Variants in COL6A5 observed in about 807,000 individuals in gnomAD.
COL6A5 encodes the protein collagen type VI alpha 5 chain, also known as collagen alpha-5(VI) chain.
In COL6A5, 48 loss-of-function variants were observed where a neutral mutation model predicts 65.6. The ratio of observed to expected loss-of-function variants is 0.73; its 90% confidence interval spans 0.58 to 0.93. COL6A5 has a LOEUF of 0.93. COL6A5 is among the 40% of genes least tolerant of loss of function. COL6A5 has a pLI of 0.00. For missense variants in COL6A5, 914 were observed against 928.3 expected (o/e 0.98, Z 0.20); for synonymous variants, 291 against 322.8 (o/e 0.90, Z 1.05).
At chr3:130,379,879 A>G in exon 4 of COL6A5, 2 of 1,551,366 alleles carry the variant, frequency 1.3e-6, no homozygotes, top group Non-Finnish European at 8.7e-7. Flanking sequence ...CCAAGGGGCT[A>G]ACAATACCCA....
At chr3:130,456,839 G>T (rs1323775482) in intron 5 of COL6A5, among the ~76,000 whole-genome samples, 1 of 151,630 alleles carries the variant, frequency 6.6e-6, no homozygotes, top group Non-Finnish European at 1.5e-5. Flanking sequence ...TTTTTTTCTT[G>T]GGTTTAACAC....
chr3:130,387,456 A>C (rs1936233050), intron 5 of COL6A5, among the ~76,000 whole-genome samples: 2 of 152,098 alleles, frequency 1.3e-5, no homozygotes, highest in African/African-American at 4.8e-5. Context: ...ATGGAAGAGA[A>C]TCTTTCACAC....
intron 1 of COL6A5, among the ~76,000 whole-genome samples, chr3:130,362,326 A>ATATATATATAT (rs1935166422): frequency 4.3e-4 from 2 of 4,650 alleles, no homozygotes; most frequent in African/African-American, 9.6e-4. Context: ...ATATATATAT[A>ATATATATATAT]TTTTTTTTTT....
intron 24 of COL6A5, among the ~76,000 whole-genome samples, 171 bp from the exon 25 acceptor site, chr3:130,418,698 T>C (rs1937432501): frequency 6.6e-6 from 1 of 152,050 alleles, no homozygotes; most frequent in Non-Finnish European, 1.5e-5. Context: ...GTGCTAGACA[T>C]CTTCTGCTAG....
At chr3:130,481,619 G>A (rs1439518016) in intron 7 of COL6A5, among the ~76,000 whole-genome samples, 4 of 152,002 alleles carry the variant, frequency 2.6e-5, no homozygotes, top group South Asian at 2.1e-4. Context: ...AGGAATCGCC[G>A]CACTGTCTTC....
rs1709879631 is a variant in COL6A5, at chr3:130,468,881, GC to G, written c.1632del (p.Ala545ValfsTer4). On this transcript the variant is annotated frameshift_variant, in exon 6 of 8. Transcript: ENST00000512836. LOFTEE classifies it high-confidence loss of function. ...TCTTCAAGAATATTACATGGATGTG[GC>G]TTTCCTCATAGATGCTTCCCAAAGA... 6.2e-7 allele frequency: 1 copy of G among 1,611,772 alleles called. No homozygotes were observed. Among genetic ancestry groups the G allele is most frequent in the African/African-American group, 1.3e-5 (1 of 74,822 alleles).
chr3:130,404,110 A>G (rs1350791810), intron 13 of COL6A5, among the ~76,000 whole-genome samples: 6 of 152,176 alleles, frequency 3.9e-5, no homozygotes, highest in African/African-American at 9.7e-5. Flanking sequence ...AGGCTGGAGT[A>G]TACACCCTTC....
At chr3:130,435,517 A>G (rs1277931939) in intron 1 of COL6A5, among the ~76,000 whole-genome samples, 1 of 151,826 alleles carries the variant, frequency 6.6e-6, no homozygotes, top group African/African-American at 2.4e-5. Context: ...TTGAATCTAT[A>G]AATAACTTTG....
At chr3:130,408,623 C>T (rs553775407) in intron 17 of COL6A5, among the ~76,000 whole-genome samples, 32 of 152,254 alleles carry the variant, frequency 2.1e-4, no homozygotes, top group African/African-American at 6.3e-4. Context: ...CCTATTCGTA[C>T]ACCACTCCCC....
At chr3:130,478,817 G>C (rs1271142166) in intron 7 of COL6A5, among the ~76,000 whole-genome samples, 1 of 152,058 alleles carries the variant, frequency 6.6e-6, no homozygotes, top group Non-Finnish European at 1.5e-5. Flanking sequence ...TTCTGTTAAG[G>C]AAGAAGGGTG....
At chr3:130,427,781 T>C (rs914314100), upstream of COL6A5, among the ~76,000 whole-genome samples, 7 of 151,772 alleles carry the variant, frequency 4.6e-5, no homozygotes, top group African/African-American at 1.7e-4. Flanking sequence ...GGGGCCAAGG[T>C]ACAGAAAAAT....
intron 1 of COL6A5, among the ~76,000 whole-genome samples, chr3:130,370,967 A>G (rs1442903529): frequency 1.3e-5 from 2 of 152,006 alleles, no homozygotes; most frequent in Admixed American, 1.3e-4. Context: ...CATAAGCAAA[A>G]CTCAACTGAG....
chr3:130,448,180 A>C (rs1709349873), intron 4 of COL6A5, among the ~76,000 whole-genome samples: 1 of 152,100 alleles, frequency 6.6e-6, no homozygotes, highest in Admixed American at 6.6e-5. Context: ...AGAAAACACC[A>C]CTCCACTAAA....
chr3:130,431,342 T>A (rs377051159), upstream of COL6A5: 41 of 1,090,910 alleles, frequency 3.8e-5, no homozygotes, highest in South Asian at 2.3e-4. Context: ...GTACCTTTAG[T>A]TCTAGAGCTG....
At chr3:130,452,526 A>T (rs1709469003) in intron 4 of COL6A5, among the ~76,000 whole-genome samples, 1 of 152,138 alleles carries the variant, frequency 6.6e-6, no homozygotes, top group Non-Finnish European at 1.5e-5. Context: ...TGGGATTTTC[A>T]AAAGGGGAGG....
At chr3:130,438,076 G>A (rs560449731) in intron 1 of COL6A5, among the ~76,000 whole-genome samples, 1 of 152,214 alleles carries the variant, frequency 6.6e-6, no homozygotes, top group South Asian at 2.1e-4. Context: ...TTGGCTCACT[G>A]TAACCTCGGC....
chr3:130,467,257 T>C lies in COL6A5; in HGVS notation c.1545-1538T>C, dbSNP rs575390575. On this transcript the variant is annotated intron_variant, in intron 5 of 7. Transcript: ENST00000512836. ...GGTTAACAGAAGCTAGGAAGGCTAA[T>C]AGGGAGGGGGGAATAAAGAAGAGCT... Among the ~76,000 whole-genome samples, 3 of 151,938 alleles carry C rather than the reference T, an allele frequency of 2.0e-5. No individual in the cohort carries two copies. The East Asian group carries it at 5.8e-4, about 29-fold the overall frequency.
At chr3:130,401,652 G>A in intron 11 of COL6A5, 110 bp from the exon 12 acceptor site, 1 of 783,616 alleles carries the variant, frequency 1.3e-6, no homozygotes, top group Non-Finnish European at 2.1e-6. Flanking sequence ...CTCATCCAAA[G>A]GGTGAAGATG....
intron 24 of COL6A5, among the ~76,000 whole-genome samples, chr3:130,417,667 C>A (rs1357157440): frequency 6.6e-6 from 1 of 152,128 alleles, no homozygotes; most frequent in African/African-American, 2.4e-5. Flanking sequence ...CGTCAGAGAG[C>A]AAATGATTAA....
Sources: gnomAD v4.1 joint callset for allele counts (sites outside exome capture counted in the v4.1 genomes callset) on GRCh38, gnomAD v4.1.1 for gene constraint, MANE v1.5 for transcripts, NCBI Gene and HGNC (gene_info 2026-07-23, HGNC 2026-07-21) for gene names.